Variants in SYNE2 observed in about 807,000 individuals in gnomAD.
The protein encoded by SYNE2 is spectrin repeat containing nuclear envelope protein 2.
SYNE2 carries 431 observed loss-of-function variants against 856.3 expected under a neutral mutation model. That is an observed-to-expected ratio of 0.50 (90% CI 0.47 to 0.55). SYNE2 has a LOEUF of 0.55. Among genes scored for constraint, SYNE2 ranks in the 20% least tolerant of loss-of-function variants. The pLI is 0.00. For synonymous variants in SYNE2, 2,923 were observed against 2,872.3 expected (o/e 1.02, Z -0.56); for missense variants, 8,129 against 8,023.2 (o/e 1.01, Z -0.50).
intron 48 of SYNE2, among the ~76,000 whole-genome samples, chr14:64,054,137 G>A (rs1003980788): frequency 3.3e-5 from 5 of 152,312 alleles, no homozygotes; most frequent in Middle Eastern, 3.4e-3. Context: ...GAACTGGTTT[G>A]TAATCGTGAC....
chr14:63,986,391 A>G, intron 18 of SYNE2, 65 bp from the exon 19 acceptor site: 1 of 1,582,242 alleles, frequency 6.3e-7, no homozygotes, highest in Non-Finnish European at 8.6e-7. Context: ...TAACTTTTTG[A>G]AAAGGAAAAT....
intron 65 of SYNE2, among the ~76,000 whole-genome samples, chr14:64,108,846 A>C (rs907185972): frequency 2.0e-5 from 3 of 151,560 alleles, no homozygotes; most frequent in African/African-American, 7.3e-5. Flanking sequence ...TTGCTGACCT[A>C]GTCAGTATGT....
At chr14:63,795,313 C>T (rs1887880513) in intron 1 of SYNE2, among the ~76,000 whole-genome samples, 1 of 151,922 alleles carries the variant, frequency 6.6e-6, no homozygotes, top group South Asian at 2.1e-4. Flanking sequence ...TGTGAAAAGC[C>T]TAGACTGGCC....
intron 1 of SYNE2, among the ~76,000 whole-genome samples, chr14:63,846,873 A>G (rs1279480909): frequency 2.6e-5 from 4 of 152,046 alleles, no homozygotes; most frequent in Admixed American, 1.3e-4. Flanking sequence ...TTGGGATTAT[A>G]GGTGTGAACC....
intron 21 of SYNE2, among the ~76,000 whole-genome samples, chr14:63,991,402 T>C (rs1417109788): frequency 3.3e-5 from 5 of 152,230 alleles, no homozygotes; most frequent in Admixed American, 6.5e-5. Context: ...CTCTGGCTTT[T>C]TAATTTGTAA....
chr14:64,212,157 T>G lies in SYNE2; in HGVS notation c.18861+59T>G, dbSNP rs112482233. 648 of 1,610,724 alleles carry G rather than the reference T, an allele frequency of 4.0e-4. 1 individual carries two copies. In the African/African-American group the frequency reaches 7.6e-3, roughly 19 times the overall value. On this transcript the variant is annotated intron_variant, in intron 104 of 115. Transcript: ENST00000555002. ...AGAACACACCTTTGCGTGGGAGAGCTGGCCAAGTGCAAATTTCACACGATA... is the reference window on the plus strand; with the variant it reads ...AGAACACACCTTTGCGTGGGAGAGCGGGCCAAGTGCAAATTTCACACGATA...
chr14:64,194,622 A>G (rs1431341440), intron 99 of SYNE2, among the ~76,000 whole-genome samples: 1 of 152,182 alleles, frequency 6.6e-6, no homozygotes, highest in Non-Finnish European at 1.5e-5. Context: ...AACGTCTTTG[A>G]AAAGTGACTC....
rs574926704 is a variant in SYNE2, at chr14:64,057,576, A to G, written c.10067+1310A>G. Among the ~76,000 whole-genome samples, 9 of 152,324 alleles carry G rather than the reference A, an allele frequency of 5.9e-5. No individual in the cohort carries two copies. The South Asian group carries it at 1.9e-3, about 32-fold the overall frequency. On this transcript the variant is annotated intron_variant, in intron 49 of 115. Coordinates refer to ENST00000555002, the MANE Select transcript of SYNE2 (RefSeq NM_182914.3). ...TCTTGACTATTGTGAATAATACTTC[A>G]ATAAACATGGGAGTGCAGCTATCTC...
chr14:63,901,969 T>C (rs1021757598), intron 1 of SYNE2, among the ~76,000 whole-genome samples: 11 of 152,078 alleles, frequency 7.2e-5, no homozygotes, highest in Non-Finnish European at 1.5e-5. Context: ...AAATAGCTTA[T>C]GTCATTGGTA....
At chr14:64,204,770 A>G (rs1480142472) in intron 100 of SYNE2, among the ~76,000 whole-genome samples, 1 of 152,212 alleles carries the variant, frequency 6.6e-6, no homozygotes, top group Non-Finnish European at 1.5e-5. Context: ...GTTTTCTACT[A>G]CTGCTGTAAC....
At chr14:63,970,653 T>G (rs957287948) in intron 11 of SYNE2, among the ~76,000 whole-genome samples, 1 of 45,898 alleles carries the variant, frequency 2.2e-5, no homozygotes, top group African/African-American at 1.9e-4. Context: ...TCTTTTTTCT[T>G]TTTTTTTTTT....
At chr14:64,060,394 C>T (rs760639189) in intron 49 of SYNE2, among the ~76,000 whole-genome samples, 4 of 151,088 alleles carry the variant, frequency 2.6e-5, no homozygotes, top group Admixed American at 6.6e-5. Flanking sequence ...TCCTTCCCTT[C>T]GAGGAAGTGG....
chr14:63,981,608 T>C (rs946890391), intron 16 of SYNE2, among the ~76,000 whole-genome samples: 2 of 152,172 alleles, frequency 1.3e-5, no homozygotes, highest in Non-Finnish European at 2.9e-5. Context: ...TGAGTTTCTA[T>C]AGGAGGAAAA....
intron 1 of SYNE2, among the ~76,000 whole-genome samples, chr14:63,801,141 G>A (rs1243217842): frequency 6.6e-6 from 1 of 152,050 alleles, no homozygotes; most frequent in Non-Finnish European, 1.5e-5. Flanking sequence ...TAACAGATGG[G>A]AGCACAGTGG....
At chr14:64,224,614 G>A (rs2098710024) in intron 114 of SYNE2, 67 bp downstream of exon 114, 2 of 1,576,328 alleles carry the variant, frequency 1.3e-6, no homozygotes, top group Non-Finnish European at 1.7e-6. Flanking sequence ...GATGAGGGAA[G>A]CTTGGGATTC....
chr14:63,846,428 T>C (rs1324342575), intron 1 of SYNE2, among the ~76,000 whole-genome samples: 2 of 152,232 alleles, frequency 1.3e-5, no homozygotes, highest in East Asian at 3.8e-4. Context: ...TTTAAAACTA[T>C]AAATTTTTCT....
At chr14:63,898,722 A>C (rs1253296513) in intron 1 of SYNE2, among the ~76,000 whole-genome samples, 1 of 152,170 alleles carries the variant, frequency 6.6e-6, no homozygotes, top group Non-Finnish European at 1.5e-5. Flanking sequence ...GTAGCTTTCT[A>C]AGAACAAGTG....
chr14:64,117,893 A>T (rs1023239642), intron 66 of SYNE2, among the ~76,000 whole-genome samples: 2 of 152,164 alleles, frequency 1.3e-5, no homozygotes, highest in Non-Finnish European at 2.9e-5. Flanking sequence ...ATGGAGCAGG[A>T]TGGTGTGCAA....
At chr14:63,823,623 ATTTTTT>A (rs34883942) in intron 1 of SYNE2, among the ~76,000 whole-genome samples, 2 of 142,968 alleles carry the variant, frequency 1.4e-5, no homozygotes, top group Admixed American at 1.4e-4. Flanking sequence ...TGGAAGGAAC[ATTTTTT>A]TTTTTTTTTG....
Sources: allele counts gnomAD v4.1 joint callset (sites outside exome capture counted in the v4.1 genomes callset), GRCh38; gene constraint gnomAD v4.1.1; transcripts MANE v1.5; gene names NCBI Gene and HGNC (gene_info 2026-07-23, HGNC 2026-07-21).